SLF1: variants seen among roughly 807,000 people sequenced by gnomAD.
SLF1 encodes SMC5/6 complex localization factor 1, also known as SMC5-SMC6 complex localization factor protein 1.
In SLF1, 105 loss-of-function variants were observed where a neutral mutation model predicts 123.0. The ratio of observed to expected loss-of-function variants is 0.85; its 90% CI spans 0.73 to 1.00. SLF1 has a LOEUF of 1.00. Among genes scored for constraint, SLF1 ranks in the 50% least tolerant of loss-of-function variants. The pLI is 0.00. For missense variants in SLF1, 1,239 were observed against 1,223.0 expected, an observed-to-expected ratio of 1.01 and a Z score of -0.20; for synonymous variants, 434 against 406.6, an observed-to-expected ratio of 1.07 and a Z score of -0.81.
chr5:94,643,589 A>G (rs138116368), intron 5 of SLF1, among the ~76,000 whole-genome samples, 154 bp downstream of exon 5: 86 of 152,266 alleles, frequency 5.6e-4, no homozygotes, highest in African/African-American at 1.9e-3. Flanking sequence ...GTGGCTCTCA[A>G]TTACTTAAAT....
chr5:94,647,195 A>G (rs188811043), intron 5 of SLF1, among the ~76,000 whole-genome samples: 186 of 152,308 alleles, frequency 1.2e-3, no homozygotes, highest in African/African-American at 4.4e-3. Context: ...AAAATAATAA[A>G]TGCTGTAATT....
At chr5:94,666,953 C>CTTTTTTTTTTTT (rs34215806) in intron 12 of SLF1, among the ~76,000 whole-genome samples, 1 of 104,618 alleles carries the variant, frequency 9.6e-6, no homozygotes, top group African/African-American at 3.7e-5. Context: ...CTGGGAAGAT[C>CTTTTTTTTTTTT]TTTTTTTTTT....
At chr5:94,635,785 T>C (rs1467915358) in intron 4 of SLF1, among the ~76,000 whole-genome samples, 1 of 152,210 alleles carries the variant, frequency 6.6e-6, no homozygotes, top group African/African-American at 2.4e-5. Context: ...ATGGTTCTTT[T>C]GATAGATTTG....
At chr5:94,693,313 C>G (rs148381977) in intron 20 of SLF1, among the ~76,000 whole-genome samples, 3 of 151,780 alleles carry the variant, frequency 2.0e-5, no homozygotes, top group Non-Finnish European at 4.4e-5. Context: ...TTTTAGTATT[C>G]TGTGTTTACT....
chr5:94,639,685 TAAC>T (rs1188967725), intron 4 of SLF1, among the ~76,000 whole-genome samples: 1 of 152,232 alleles, frequency 6.6e-6, no homozygotes, highest in African/African-American at 2.4e-5. Flanking sequence ...TGTAAACAGT[TAAC>T]ATAAATTTTG....
At chr5:94,676,608 A>T (rs1035326739) in intron 14 of SLF1, among the ~76,000 whole-genome samples, 4 of 152,172 alleles carry the variant, frequency 2.6e-5, no homozygotes, top group Non-Finnish European at 4.4e-5. Flanking sequence ...CAGCTTTTAA[A>T]AATCTCCTCA....
intron 9 of SLF1, among the ~76,000 whole-genome samples, chr5:94,660,281 G>A (rs1040795910): frequency 3.3e-5 from 5 of 152,182 alleles, no homozygotes; most frequent in African/African-American, 9.7e-5. Context: ...GGCCCCTGAC[G>A]GTGGGCGTGG....
intron 15 of SLF1, among the ~76,000 whole-genome samples, chr5:94,683,930 G>C (rs994149227): frequency 6.6e-6 from 1 of 152,182 alleles, no homozygotes; most frequent in Non-Finnish European, 1.5e-5. Context: ...AGGACTACAA[G>C]TATGACCCTT....
chr5:94,678,731 A>C, intron 14 of SLF1, 77 bp from the exon 15 acceptor site: 1 of 1,347,110 alleles, frequency 7.4e-7, no homozygotes, highest in Non-Finnish European at 1.0e-6. Context: ...TGCCCCTCAA[A>C]AAGTATTCAA....
intron 8 of SLF1, among the ~76,000 whole-genome samples, chr5:94,654,394 G>GAAAAAAAAAAAAAAAAAAAAA: frequency 9.4e-6 from 1 of 106,734 alleles, no homozygotes; most frequent in Non-Finnish European, 2.0e-5. Context: ...AGAGTAAAAA[G>GAAAAAAAAAAAAAAAAAAAAA]AAAAAAAAAA....
chr5:94,651,456 C>T (rs1052884792), intron 6 of SLF1, among the ~76,000 whole-genome samples: 6 of 152,094 alleles, frequency 3.9e-5, no homozygotes, highest in East Asian at 3.8e-4. Flanking sequence ...ACTCATTAAT[C>T]GGAATTCAGC....
In SLF1 at chr5:94,678,861, A is replaced by C. The variant is rs771768776; in HGVS notation, c.1881A>C (p.Ile627=). The change falls in exon 15 of 21, where the codon ATA becomes ATC. Residue 627 remains isoleucine, a synonymous_variant. Coordinates refer to ENST00000265140, the MANE Select transcript of SLF1 (RefSeq NM_032290.4). ...TGGCTGGAATTCTTGGAGCAGCAATAGATTATTGGATTTTCCTTGGTCTTA... is the reference window on the plus strand; with the variant it reads ...TGGCTGGAATTCTTGGAGCAGCAATCGATTATTGGATTTTCCTTGGTCTTA... The part of the protein sequence containing the change: ...YLLAGILGAA[I]DYWIFLGLKM... 7 of 1,613,618 alleles carry C rather than the reference A, an allele frequency of 4.3e-6. No individual in the cohort carries two copies. Among genetic ancestry groups the C allele is most frequent in the Non-Finnish European group, 5.9e-6 (7 of 1,179,786 alleles).
chr5:94,667,172 C>G (rs949406699), intron 12 of SLF1, among the ~76,000 whole-genome samples: 3 of 152,030 alleles, frequency 2.0e-5, no homozygotes, highest in Non-Finnish European at 2.9e-5. Context: ...TGAGTACTTA[C>G]GGAGAGCCAG....
intron 4 of SLF1, among the ~76,000 whole-genome samples, chr5:94,639,018 ATCTCT>A (rs1746132123): frequency 2.5e-5 from 3 of 121,010 alleles, no homozygotes; most frequent in Middle Eastern, 4.2e-3. Context: ...TTTTTTTCTC[ATCTCT>A]TTTCTTTTCT....
intron 20 of SLF1, among the ~76,000 whole-genome samples, chr5:94,693,744 G>A (rs906214424): frequency 2.7e-5 from 4 of 149,024 alleles, no homozygotes; most frequent in African/African-American, 9.8e-5. Flanking sequence ...TCCTGTGTCC[G>A]TAATTTTGTC....
rs116376172 is a variant in SLF1 at position 94,643,510 on chromosome 5, T to C, written c.594+75T>C. The C allele has an allele frequency of 2.6e-3, 2,750 of 1,057,010 alleles. 67 individuals carry two copies. The African/African-American group carries it at 0.042, about 16-fold the overall frequency. The allele number at this position is 1,057,010 out of a possible 1,614,324, so 65.5% of individuals were successfully genotyped here. A position where few individuals can be genotyped will look rare whatever the true frequency, so the allele number is the denominator to read the frequency against. On this transcript the variant is annotated intron_variant, in intron 5 of 20. Transcript: ENST00000265140. ...TATAAAATACCAACATAGTAAAATA[T>C]ATATTAAAGTTGTGTTCTAAATTTT... is the stretch of plus-strand genomic sequence containing the variant.
At chr5:94,652,828 T>A (rs1443729396) in intron 7 of SLF1, among the ~76,000 whole-genome samples, 1 of 152,144 alleles carries the variant, frequency 6.6e-6, no homozygotes, top group Non-Finnish European at 1.5e-5. Flanking sequence ...TGTCAATGGA[T>A]GAGATTTTCT....
At chr5:94,677,924 CTT>C (rs5869635) in intron 14 of SLF1, among the ~76,000 whole-genome samples, 53 of 145,276 alleles carry the variant, frequency 3.6e-4, no homozygotes, top group Admixed American at 5.5e-4. Flanking sequence ...AAATGATATA[CTT>C]TTTTTTTTTT....
chr5:94,670,540 A>G (rs541879353), intron 13 of SLF1, among the ~76,000 whole-genome samples: 2 of 151,934 alleles, frequency 1.3e-5, no homozygotes, highest in East Asian at 1.9e-4. Context: ...TTTTAAAAAA[A>G]TTCTTTAGTA....
Sources: gnomAD v4.1 joint callset for allele counts (sites outside exome capture counted in the v4.1 genomes callset) on GRCh38, gnomAD v4.1.1 for gene constraint, MANE v1.5 for transcripts, NCBI Gene and HGNC (gene_info 2026-07-23, HGNC 2026-07-21) for gene names.